Variants in FAM120C observed in about 807,000 individuals in gnomAD.
FAM120C encodes family with sequence similarity 120 member C, also known as constitutive coactivator of PPAR-gamma-like protein 2.
Under a neutral mutation model 71.2 loss-of-function variants are expected in FAM120C, and 14 were observed. That is an observed-to-expected ratio of 0.20 (90% CI 0.13 to 0.31). The LOEUF (loss-of-function observed/expected upper bound fraction) is 0.31, where lower values mean the gene tolerates loss of function less well. FAM120C is among the 10% of genes least tolerant of loss of function. The pLI is 1.00. For synonymous variants in FAM120C, 354 were observed against 353.2 expected, an observed-to-expected ratio of 1.00 and a Z score of -0.03; for missense variants, 500 against 879.0, an observed-to-expected ratio of 0.57 and a Z score of 5.45.
At chrX:54,159,960 T>C (rs2067228144) in intron 1 of FAM120C, among the ~76,000 whole-genome samples, 1 of 109,998 alleles carries the variant, frequency 9.1e-6, no homozygotes, top group Non-Finnish European at 1.9e-5. Flanking sequence ...ACAATTTGAT[T>C]ATTACTGTAA....
At chrX:54,144,333 A>G (rs1175377642) in intron 4 of FAM120C, among the ~76,000 whole-genome samples, 2 of 111,369 alleles carry the variant, frequency 1.8e-5, no homozygotes, top group African/African-American at 3.3e-5. Context: ...GGCAGGAGAA[A>G]GAAATAAAGG....
intron 1 of FAM120C, among the ~76,000 whole-genome samples, chrX:54,176,515 T>C (rs974179137): frequency 7.4e-5 from 8 of 108,590 alleles, no homozygotes; most frequent in Admixed American, 9.9e-5. Context: ...TGTTGGGTGG[T>C]TGTGAGGATT....
intron 9 of FAM120C, among the ~76,000 whole-genome samples, chrX:54,117,362 A>C (rs782794781): frequency 6.1e-5 from 5 of 81,926 alleles, no homozygotes; most frequent in East Asian, 3.7e-4. Context: ...CTAAAAATAA[A>C]ATAAAATAAA....
intron 1 of FAM120C, among the ~76,000 whole-genome samples, chrX:54,164,806 A>G (rs188184359): frequency 8.9e-6 from 1 of 111,802 alleles, no homozygotes; most frequent in Non-Finnish European, 1.9e-5. Flanking sequence ...TGGTAGTTTT[A>G]TTTTTAATAT....
At chrX:54,073,629 C>T (rs1304431621) in intron 15 of FAM120C, among the ~76,000 whole-genome samples, 1 of 109,443 alleles carries the variant, frequency 9.1e-6, no homozygotes, top group Non-Finnish European at 1.9e-5. Context: ...ATGGGGTTTC[C>T]TCATGTTGGC....
chrX:54,132,475 G>A (rs1323037158), intron 9 of FAM120C, among the ~76,000 whole-genome samples: 3 of 112,017 alleles, frequency 2.7e-5, no homozygotes, highest in Non-Finnish European at 5.6e-5. Context: ...GCCATGCCTG[G>A]TCCAGCATGG....
intron 15 of FAM120C, among the ~76,000 whole-genome samples, chrX:54,075,667 C>T (rs186987211): frequency 2.8e-5 from 3 of 108,633 alleles, no homozygotes; most frequent in Admixed American, 1.0e-4. Flanking sequence ...GGCGTGGTAG[C>T]GGGCGCCTGT....
At chrX:54,148,413 G>A (rs1272354165) in intron 4 of FAM120C, among the ~76,000 whole-genome samples, 2 of 111,715 alleles carry the variant, frequency 1.8e-5, no homozygotes, top group East Asian at 2.8e-4. Context: ...TTGGGAGGCC[G>A]AGGTGAGCAG....
chrX:54,107,874 G>C (rs1343917939), intron 10 of FAM120C, among the ~76,000 whole-genome samples: 2 of 96,323 alleles, frequency 2.1e-5, no homozygotes, highest in Non-Finnish European at 4.1e-5. Flanking sequence ...ATGTTAAGGT[G>C]GTTAGGAAAT....
chrX:54,114,729 G>A (rs1321113123), intron 10 of FAM120C, among the ~76,000 whole-genome samples: 1 of 103,057 alleles, frequency 9.7e-6, no homozygotes, highest in African/African-American at 3.6e-5. Flanking sequence ...GTGAGCCACT[G>A]CACCCAGCCT....
Position 54,068,714 on chromosome X carries a change from A to C in FAM120C, c.*4319T>G, listed in dbSNP as rs2066696464. 1.8e-5 allele frequency: 2 copies of C among 111,612 alleles called. No individual in the cohort carries two copies. The highest frequency in any genetic ancestry group is 1.9e-4 in the Admixed American group (2 of 10,374). 9.2% of individuals were successfully genotyped at this position (111,612 alleles called of 1,213,427 possible). On this transcript the variant is annotated 3_prime_UTR_variant, in exon 16 of 16. Transcript: ENST00000375180. Reference sequence around the variant, plus strand: ...AACATCATTTATCAGGGAGCACTAAAAGTCACTGACTCCTTGCAGTTAAAG... The same window carrying C: ...AACATCATTTATCAGGGAGCACTAACAGTCACTGACTCCTTGCAGTTAAAG...
At chrX:54,152,682 A>C (rs1200961243) in intron 3 of FAM120C, among the ~76,000 whole-genome samples, 4 of 112,960 alleles carry the variant, frequency 3.5e-5, no homozygotes, top group African/African-American at 1.3e-4. Flanking sequence ...CAGAGGGTAT[A>C]AATTTTCCAA....
chrX:54,118,691 CTTTT>C (rs1225428604), intron 9 of FAM120C, among the ~76,000 whole-genome samples: 1 of 34,638 alleles, frequency 2.9e-5, no homozygotes, highest in African/African-American at 1.1e-4. Flanking sequence ...TTGTATTTTT[CTTTT>C]TTTCTTTTTT....
At chrX:54,086,754 C>CAAAAAAAAAA (rs60485302) in intron 12 of FAM120C, among the ~76,000 whole-genome samples, 1 of 58,159 alleles carries the variant, frequency 1.7e-5, no homozygotes, top group Non-Finnish European at 2.9e-5. Flanking sequence ...GAATCTGTCT[C>CAAAAAAAAAA]AAAAAAAAAA....
chrX:54,085,767 T>A lies in FAM120C; in HGVS notation c.2787A>T (p.Arg929=). ...PSLYPVSLYS[R]AMGSMPLPPQ... Reference sequence around the variant, plus strand: ...GGGGAAGTGGCATGGAGCCCATAGCTCGGGAATAAAGTGAAACAGGGTAGA... The same window carrying A: ...GGGGAAGTGGCATGGAGCCCATAGCACGGGAATAAAGTGAAACAGGGTAGA... Residue 929 remains arginine, a synonymous_variant, in exon 13 of 16, where the codon CGA becomes CGT. Coordinates refer to ENST00000375180, the MANE Select transcript of FAM120C (RefSeq NM_017848.6). 8.3e-7 allele frequency: 1 copy of A among 1,211,066 alleles called. No individual in the cohort carries two copies. The highest frequency in any genetic ancestry group is 1.1e-6 in the Non-Finnish European group (1 of 895,396).
At chrX:54,089,026 G>C (rs1161338431) in intron 11 of FAM120C, among the ~76,000 whole-genome samples, 1 of 111,246 alleles carries the variant, frequency 9.0e-6, no homozygotes, top group Non-Finnish European at 1.9e-5. Context: ...TCCAGCCTGA[G>C]TGACAGAGTG....
At chrX:54,156,161 G>A (rs1240050293) in intron 3 of FAM120C, among the ~76,000 whole-genome samples, 1 of 110,060 alleles carries the variant, frequency 9.1e-6, no homozygotes, top group Non-Finnish European at 1.9e-5. Flanking sequence ...GTCATGAACT[G>A]AGAGTGAGCA....
chrX:54,142,439 T>A (rs2067130439), intron 4 of FAM120C, among the ~76,000 whole-genome samples: 1 of 112,415 alleles, frequency 8.9e-6, no homozygotes, highest in Admixed American at 9.4e-5. Flanking sequence ...ATCTCACGCC[T>A]GGCTCGGAGG....
At chrX:54,086,813 G>C (rs1569531561) in intron 12 of FAM120C, among the ~76,000 whole-genome samples, 1 of 106,208 alleles carries the variant, frequency 9.4e-6, no homozygotes, top group Non-Finnish European at 1.9e-5. Flanking sequence ...ATGAATGAAT[G>C]TGGCTATGTT....
Sources: allele counts gnomAD v4.1 joint callset (sites outside exome capture counted in the v4.1 genomes callset), GRCh38; gene constraint gnomAD v4.1.1; transcripts MANE v1.5; gene names NCBI Gene and HGNC (gene_info 2026-07-23, HGNC 2026-07-21).